SLC67A1: variants seen among roughly 807,000 people sequenced by gnomAD.
SLC67A1 encodes the protein solute carrier family 67 member 1, also known as solute carrier family 67 member A1.
chr11:2,925,140 T>C, the SLC67A1 span: 2 of 1,613,836 alleles, frequency 1.2e-6, no homozygotes, highest in Admixed American at 1.7e-5. This position sits in a 1 kb window ranked among gnomAD's most constrained non-coding sequence, Gnocchi z 6.5. Context: ...TCAATACCCT[T>C]GTCCTCCTGG....
chr11:2,917,567 A>G, the SLC67A1 span, among the ~76,000 whole-genome samples: 1 of 152,336 alleles, frequency 6.6e-6, no homozygotes, highest in South Asian at 2.1e-4. Flanking sequence ...AGAGTGGTAC[A>G]GTATTGCCAT....
chr11:2,916,416 T>A, the SLC67A1 span: 1 of 513,718 alleles, frequency 1.9e-6, no homozygotes, highest in Non-Finnish European at 3.4e-6. Context: ...TCAGGGATGG[T>A]GAGCGCCCCA....
chr11:2,904,347 G>A, the SLC67A1 span, among the ~76,000 whole-genome samples: 2 of 152,214 alleles, frequency 1.3e-5, no homozygotes, highest in Non-Finnish European at 2.9e-5. Context: ...TTCCGGGCCT[G>A]GCAGAGGCTC....
At chr11:2,908,229 T>C in the SLC67A1 span, 1 of 1,612,518 alleles carries the variant, frequency 6.2e-7, no homozygotes, top group South Asian at 1.1e-5. Context: ...CTCCTGTGTT[T>C]CAGTACCTGT....
chr11:2,922,611 C>T, the SLC67A1 span: 224 of 1,113,298 alleles, frequency 2.0e-4, no homozygotes, highest in South Asian at 2.5e-3. Flanking sequence ...AGGAGCTACC[C>T]GGTGGGGATG....
the SLC67A1 span, among the ~76,000 whole-genome samples, chr11:2,901,791 T>A: frequency 9.9e-5 from 15 of 152,194 alleles, no homozygotes; most frequent in Non-Finnish European, 1.8e-4. Context: ...CTGGTCACTC[T>A]TCTGGGGCTC....
chr11:2,918,371 G>C, the SLC67A1 span, among the ~76,000 whole-genome samples: 2 of 152,238 alleles, frequency 1.3e-5, no homozygotes, highest in Non-Finnish European at 2.9e-5. Context: ...CTCATACCCT[G>C]TGGCCCCACG....
the SLC67A1 span, chr11:2,909,432 G>T: frequency 6.9e-7 from 1 of 1,453,704 alleles, no homozygotes; most frequent in East Asian, 2.7e-5. Context: ...CACCTCCAGG[G>T]AGGTCTGCGT....
At chr11:2,907,904 G>T in the SLC67A1 span, among the ~76,000 whole-genome samples, 1 of 152,174 alleles carries the variant, frequency 6.6e-6, no homozygotes, top group African/African-American at 2.4e-5. The surrounding 1 kb of genome is among the most constrained non-coding windows in gnomAD (Gnocchi z 6.7). Context: ...TGCTGCTGGC[G>T]TCCCCCACAA....
At chr11:2,907,695 C>A in the SLC67A1 span, among the ~76,000 whole-genome samples, 2 of 152,030 alleles carry the variant, frequency 1.3e-5, no homozygotes, top group Admixed American at 6.5e-5. This position sits in a 1 kb window ranked among gnomAD's most constrained non-coding sequence, Gnocchi z 6.7. Context: ...GGGGGAGGAG[C>A]GGCTGCAGGG....
chr11:2,919,506 C>T, the SLC67A1 span: 3 of 830,590 alleles, frequency 3.6e-6, no homozygotes, highest in South Asian at 3.1e-5. Flanking sequence ...GGCTGGGGAG[C>T]CCTTGGCCTC....
chr11:2,922,322 G>T, the SLC67A1 span: 1 of 1,522,952 alleles, frequency 6.6e-7, no homozygotes, highest in South Asian at 1.2e-5. Flanking sequence ...ACCCACCCGG[G>T]GCCAGCTCTT....
chr11:2,907,278 G>T, the SLC67A1 span, among the ~76,000 whole-genome samples: 1 of 152,176 alleles, frequency 6.6e-6, no homozygotes, highest in South Asian at 2.1e-4. The surrounding 1 kb of genome is among the most constrained non-coding windows in gnomAD (Gnocchi z 6.7). Flanking sequence ...AACCCTGGGG[G>T]CTTAGAGCAA....
At chr11:2,909,477 G>T in the SLC67A1 span, 7 of 1,437,590 alleles carry the variant, frequency 4.9e-6, no homozygotes, top group Admixed American at 1.0e-4. Flanking sequence ...CTGGACGGGG[G>T]TGGGGGGCGA....
the SLC67A1 span, chr11:2,917,163 G>T: frequency 4.8e-6 from 1 of 206,754 alleles, no homozygotes; most frequent in East Asian, 1.6e-4. Flanking sequence ...ACTCATTGGT[G>T]GAGGGCAGAG....
chr11:2,906,383 G>A, the SLC67A1 span, among the ~76,000 whole-genome samples: 1 of 152,176 alleles, frequency 6.6e-6, no homozygotes, highest in African/African-American at 2.4e-5. Context: ...ATACCCAAAG[G>A]ATTATAAATC....
the SLC67A1 span, among the ~76,000 whole-genome samples, chr11:2,912,038 G>A: frequency 6.6e-6 from 1 of 152,232 alleles, no homozygotes; most frequent in Non-Finnish European, 1.5e-5. Flanking sequence ...GGGTAACCGA[G>A]GCCCAGGAGA....
At chr11:2,916,558 G>A in the SLC67A1 span, 3 of 1,211,818 alleles carry the variant, frequency 2.5e-6, no homozygotes, top group African/African-American at 3.0e-5. Context: ...CAGGTTGGGG[G>A]ATGTGGCTGG....
the SLC67A1 span, among the ~76,000 whole-genome samples, chr11:2,904,361 G>T: frequency 6.6e-5 from 10 of 152,220 alleles, no homozygotes; most frequent in Non-Finnish European, 1.5e-4. Flanking sequence ...GAGGCTCCCA[G>T]CCCGAGGGTG....
Sources: allele counts gnomAD v4.1 joint callset (sites outside exome capture counted in the v4.1 genomes callset), GRCh38; gene constraint gnomAD v4.1.1; non-coding constraint Gnocchi (gnomAD v3.1); transcripts MANE v1.5; gene names NCBI Gene and HGNC (gene_info 2026-07-23, HGNC 2026-07-21).